Variants in EDIL3 observed in about 807,000 individuals in gnomAD.
The protein encoded by EDIL3 is EGF like and discoidin domains 3, also known as EGF-like repeat and discoidin I-like domain-containing protein 3.
Under a neutral mutation model 67.4 loss-of-function variants are expected in EDIL3, and 37 were observed. That is an observed-to-expected ratio of 0.55 (90% CI 0.42 to 0.72). EDIL3 has a LOEUF of 0.72. Ranked by LOEUF, EDIL3 falls within the 30% of genes least tolerant of loss-of-function variation. The pLI is 0.00. For synonymous variants in EDIL3, 195 were observed against 196.3 expected, an observed-to-expected ratio of 0.99 and a Z score of 0.05; for missense variants, 527 against 586.3, an observed-to-expected ratio of 0.90 and a Z score of 1.04.
intron 1 of EDIL3, among the ~76,000 whole-genome samples, chr5:84,356,245 A>C (rs1254697995): frequency 6.6e-6 from 1 of 152,252 alleles, no homozygotes; most frequent in African/African-American, 2.4e-5. Context: ...ACTGATAAAC[A>C]TATGCTTAAA....
chr5:84,190,547 A>ATGTG (rs1326799356), intron 3 of EDIL3, among the ~76,000 whole-genome samples: 9 of 62,276 alleles, frequency 1.4e-4, no homozygotes, highest in African/African-American at 3.8e-4. Context: ...ATATATATAT[A>ATGTG]TATATGTGTG....
At chr5:84,191,311 T>C (rs1254620508) in intron 3 of EDIL3, among the ~76,000 whole-genome samples, 2 of 152,062 alleles carry the variant, frequency 1.3e-5, no homozygotes, top group Non-Finnish European at 2.9e-5. Context: ...ATTTTTACTT[T>C]TGGAATCTGT....
At chr5:84,114,111 C>T (rs1311551852) in intron 5 of EDIL3, among the ~76,000 whole-genome samples, 4 of 146,714 alleles carry the variant, frequency 2.7e-5, no homozygotes, top group Non-Finnish European at 4.5e-5. Flanking sequence ...GCTACTCTTT[C>T]TCACGCTGTG....
chr5:84,229,004 G>T (rs79859952), intron 3 of EDIL3, among the ~76,000 whole-genome samples: 3 of 152,078 alleles, frequency 2.0e-5, no homozygotes, highest in African/African-American at 7.2e-5. Flanking sequence ...ATCTAATGCC[G>T]AGGTCTTTTC....
At chr5:84,356,994 G>A (rs377548414) in intron 1 of EDIL3, among the ~76,000 whole-genome samples, 56 of 134,966 alleles carry the variant, frequency 4.1e-4, no homozygotes, top group African/African-American at 1.5e-3. Flanking sequence ...GCACGATCTC[G>A]GCTCACTGAA....
chr5:84,372,867 A>AAT (rs1189282845), intron 1 of EDIL3, among the ~76,000 whole-genome samples: 2 of 152,188 alleles, frequency 1.3e-5, no homozygotes, highest in Non-Finnish European at 2.9e-5. Flanking sequence ...TTAAGATTGT[A>AAT]ATGTGTCAAA....
intron 5 of EDIL3, among the ~76,000 whole-genome samples, chr5:84,129,233 A>C (rs1471729317): frequency 6.6e-6 from 1 of 152,164 alleles, no homozygotes; most frequent in Non-Finnish European, 1.5e-5. Flanking sequence ...TATTGTTTCA[A>C]AAACTTCATC....
chr5:84,077,804 CTCTT>C (rs1746887983), intron 6 of EDIL3, among the ~76,000 whole-genome samples: 1 of 151,986 alleles, frequency 6.6e-6, no homozygotes, highest in South Asian at 2.1e-4. Flanking sequence ...CCTCCTCCTC[CTCTT>C]TCTTTTCTCT....
At chr5:84,268,814 T>C (rs1227202867) in intron 1 of EDIL3, among the ~76,000 whole-genome samples, 1 of 152,150 alleles carries the variant, frequency 6.6e-6, no homozygotes, top group Non-Finnish European at 1.5e-5. Flanking sequence ...CTAAAAATAG[T>C]GTAAGCTCAC....
chr5:84,070,818 T>C (rs991148250), intron 6 of EDIL3, among the ~76,000 whole-genome samples: 1 of 152,122 alleles, frequency 6.6e-6, no homozygotes, highest in African/African-American at 2.4e-5. Flanking sequence ...ACACAAAAAC[T>C]ATGGTAAAGC....
chr5:84,028,547 A>C (rs1246766298), intron 9 of EDIL3, among the ~76,000 whole-genome samples: 1 of 152,154 alleles, frequency 6.6e-6, no homozygotes, highest in East Asian at 1.9e-4. Context: ...CTATTCTGAA[A>C]ATTAAGTGAA....
At chr5:83,966,283 T>C (rs1301633319) in intron 9 of EDIL3, among the ~76,000 whole-genome samples, 1 of 152,164 alleles carries the variant, frequency 6.6e-6, no homozygotes, top group Non-Finnish European at 1.5e-5. Context: ...CTGCCTTAAA[T>C]GTGTCTTATA....
intron 3 of EDIL3, among the ~76,000 whole-genome samples, chr5:84,193,711 G>C (rs957136999): frequency 2.6e-5 from 4 of 151,908 alleles, no homozygotes; most frequent in African/African-American, 9.7e-5. Context: ...TATCATTCTG[G>C]CACATTACTG....
chr5:84,276,811 A>G (rs1421563233), intron 1 of EDIL3, among the ~76,000 whole-genome samples: 2 of 151,928 alleles, frequency 1.3e-5, no homozygotes, highest in African/African-American at 4.8e-5. Context: ...TGACCTCGCG[A>G]TCCACCCGCC....
chr5:84,097,310 G>A (rs768968843), intron 6 of EDIL3, among the ~76,000 whole-genome samples: 6 of 152,006 alleles, frequency 3.9e-5, no homozygotes, highest in South Asian at 4.1e-4. Context: ...ATTAACTTTC[G>A]AAAGAAAAAT....
At chr5:84,160,618 T>C (rs1408814822) in intron 4 of EDIL3, among the ~76,000 whole-genome samples, 1 of 152,102 alleles carries the variant, frequency 6.6e-6, no homozygotes, top group Non-Finnish European at 1.5e-5. Context: ...TCAAAGCTTA[T>C]TCAGCTGCAG....
intron 3 of EDIL3, among the ~76,000 whole-genome samples, chr5:84,229,208 G>A (rs1744513884): frequency 6.6e-6 from 1 of 152,092 alleles, no homozygotes; most frequent in Non-Finnish European, 1.5e-5. Flanking sequence ...CTGGAACCAT[G>A]TGGAAAATAC....
At chr5:84,138,147 C>A (rs76714174) in intron 4 of EDIL3, among the ~76,000 whole-genome samples, 41 of 152,184 alleles carry the variant, frequency 2.7e-4, no homozygotes, top group Admixed American at 2.7e-3. Flanking sequence ...AAGCACCATG[C>A]TGGATTCTGT....
chr5:84,331,605 G>A (rs1746873108), intron 1 of EDIL3, among the ~76,000 whole-genome samples: 1 of 152,104 alleles, frequency 6.6e-6, no homozygotes, highest in Non-Finnish European at 1.5e-5. Context: ...CAGCCCTGTG[G>A]AACTGCGAGT....
Sources: allele counts gnomAD v4.1 joint callset (sites outside exome capture counted in the v4.1 genomes callset), GRCh38; gene constraint gnomAD v4.1.1; transcripts MANE v1.5; gene names NCBI Gene and HGNC (gene_info 2026-07-23, HGNC 2026-07-21).